PPARGC1A: variants seen among roughly 807,000 people sequenced by gnomAD.
PPARGC1A encodes peroxisome proliferator-activated receptor gamma coactivator 1-alpha.
Under a neutral mutation model 88.7 loss-of-function variants are expected in PPARGC1A, and 25 were observed. That is an observed-to-expected ratio of 0.28 (90% CI 0.21 to 0.39). The LOEUF (loss-of-function observed/expected upper bound fraction) is 0.39, where lower values mean the gene tolerates loss of function less well. Ranked by LOEUF, PPARGC1A falls within the 10% of genes least tolerant of loss-of-function variation. The pLI is 1.00. For synonymous variants in PPARGC1A, 363 were observed against 355.6 expected, an observed-to-expected ratio of 1.02 and a Z score of -0.24; for missense variants, 880 against 968.7, an observed-to-expected ratio of 0.91 and a Z score of 1.22.
the PPARGC1A span, among the ~76,000 whole-genome samples, chr4:24,359,468 CA>C: frequency 3.6e-3 from 546 of 152,324 alleles, 27 homozygotes; most frequent in East Asian, 0.081. Context: ...TATCTCATGG[CA>C]TCTGAAACTT....
rs1487634542 is a variant in PPARGC1A, at chr4:23,814,559, G to T, written c.924C>A (p.Asn308Lys). The change falls in exon 8 of 13, where the codon AAC becomes AAA. Residue 308 changes from asparagine (N) to lysine (K), a missense_variant. Transcript: ENST00000264867. ...TTPPHKANQD[N>K]PFRASPKLKS... ...TCAGCTTTGGAGAAGCCCTAAAAGG[G>T]TTATCTTGGTTGGCTTTATGAGGAG... is the stretch of plus-strand genomic sequence containing the variant. 3 of 1,610,876 alleles carry T rather than the reference G, an allele frequency of 1.9e-6. No individual in the cohort carries two copies. The highest frequency in any genetic ancestry group is 2.5e-6 in the Non-Finnish European group (3 of 1,179,166).
chr4:23,935,193 C>G, the PPARGC1A span, among the ~76,000 whole-genome samples: 1 of 152,184 alleles, frequency 6.6e-6, no homozygotes, highest in Non-Finnish European at 1.5e-5. Context: ...TGAGCAGGAT[C>G]AAGCACTGGC....
chr4:24,363,105 T>G, the PPARGC1A span, among the ~76,000 whole-genome samples: 1 of 152,204 alleles, frequency 6.6e-6, no homozygotes. Context: ...TTATTCCTTT[T>G]CATATTTCCC....
the PPARGC1A span, among the ~76,000 whole-genome samples, chr4:23,925,243 T>C: frequency 2.0e-5 from 3 of 152,354 alleles, 1 homozygote; most frequent in African/African-American, 7.2e-5. Context: ...GCTGTCATTA[T>C]CAATCAATCT....
At chr4:24,298,196 AAGAT>A in the PPARGC1A span, among the ~76,000 whole-genome samples, 1 of 150,958 alleles carries the variant, frequency 6.6e-6, no homozygotes, top group East Asian at 1.9e-4. Context: ...GAAAAAAAAA[AAGAT>A]AAGAAAGAAA....
At chr4:23,901,301 C>T (rs9991159), upstream of PPARGC1A, among the ~76,000 whole-genome samples, 26,802 of 146,612 alleles carry the variant, frequency 0.18, 2,969 homozygotes, top group East Asian at 0.36. Flanking sequence ...ACCCGGGAGG[C>T]GGAGCTTGCA....
At chr4:24,221,739 C>T in the PPARGC1A span, among the ~76,000 whole-genome samples, 1 of 152,106 alleles carries the variant, frequency 6.6e-6, no homozygotes, top group African/African-American at 2.4e-5. Flanking sequence ...CACCACTGTA[C>T]TTCAGCCTGG....
At chr4:24,345,560 T>C in the PPARGC1A span, among the ~76,000 whole-genome samples, 2 of 152,122 alleles carry the variant, frequency 1.3e-5, no homozygotes, top group Non-Finnish European at 2.9e-5. Context: ...AAGAAGTGAG[T>C]TCTTGATTTC....
chr4:23,991,383 A>G, the PPARGC1A span, among the ~76,000 whole-genome samples: 159 of 152,246 alleles, frequency 1.0e-3, 2 homozygotes, highest in African/African-American at 3.7e-3. Context: ...ACAAAAATCA[A>G]CCAGGTAAGA....
chr4:24,214,953 T>G, the PPARGC1A span, among the ~76,000 whole-genome samples: 1 of 152,230 alleles, frequency 6.6e-6, no homozygotes, highest in Admixed American at 6.5e-5. Flanking sequence ...GTGCTGCTCA[T>G]TGTAACCAAC....
At chr4:23,843,891 G>A (rs1437690565) in intron 2 of PPARGC1A, among the ~76,000 whole-genome samples, 1 of 151,792 alleles carries the variant, frequency 6.6e-6, no homozygotes, top group Non-Finnish European at 1.5e-5. Context: ...CTTCATTTGT[G>A]AACATACATG....
At chr4:23,832,914 T>G (rs1257505126) in intron 2 of PPARGC1A, among the ~76,000 whole-genome samples, 1 of 141,062 alleles carries the variant, frequency 7.1e-6, no homozygotes, top group Non-Finnish European at 1.6e-5. Flanking sequence ...CCGGCCCCAG[T>G]GCACTATTAT....
chr4:24,114,837 T>G, the PPARGC1A span, among the ~76,000 whole-genome samples: 5 of 152,092 alleles, frequency 3.3e-5, no homozygotes, highest in Non-Finnish European at 7.4e-5. Flanking sequence ...GAGGGTAAGG[T>G]GCGTGGGTAA....
chr4:23,815,767 A>C (rs1249927578), intron 7 of PPARGC1A, among the ~76,000 whole-genome samples: 1 of 152,182 alleles, frequency 6.6e-6, no homozygotes, highest in East Asian at 1.9e-4. Flanking sequence ...GGAGCATTTT[A>C]GTTTACAATA....
chr4:24,394,436 C>T, the PPARGC1A span, among the ~76,000 whole-genome samples: 3 of 152,062 alleles, frequency 2.0e-5, no homozygotes, highest in African/African-American at 4.8e-5. Context: ...TAGCACTTCA[C>T]GACCTTCACT....
At chr4:24,151,278 T>C in the PPARGC1A span, among the ~76,000 whole-genome samples, 1 of 152,176 alleles carries the variant, frequency 6.6e-6, no homozygotes, top group African/African-American at 2.4e-5. Flanking sequence ...GGCTATGAAG[T>C]CCAAGAAAAG....
the PPARGC1A span, among the ~76,000 whole-genome samples, chr4:24,437,594 TTTGTTG>T: frequency 0.19 from 27,881 of 143,684 alleles, 2,728 homozygotes; most frequent in Middle Eastern, 0.28. Context: ...GCACAGGTTT[TTTGTTG>T]TTGTTGTTGT....
At chr4:24,431,106 C>G in the PPARGC1A span, among the ~76,000 whole-genome samples, 5 of 103,004 alleles carry the variant, frequency 4.9e-5, no homozygotes, top group Non-Finnish European at 7.0e-5. Context: ...GCCTGGGAGA[C>G]AGAGCAAGAC....
the PPARGC1A span, among the ~76,000 whole-genome samples, chr4:24,195,901 G>T: frequency 6.6e-6 from 1 of 152,162 alleles, no homozygotes; most frequent in Non-Finnish European, 1.5e-5. Flanking sequence ...ACTGTAGCTT[G>T]TACCTCAGAG....
Sources: allele counts gnomAD v4.1 joint callset (sites outside exome capture counted in the v4.1 genomes callset), GRCh38; gene constraint gnomAD v4.1.1; transcripts MANE v1.5; gene names NCBI Gene and HGNC (gene_info 2026-07-23, HGNC 2026-07-21).